The following RBMS2 variants were observed in gnomAD, a reference collection of about 807,000 sequenced individuals.
The protein encoded by RBMS2 is RNA-binding motif, single-stranded-interacting protein 2.
In RBMS2, 38 loss-of-function variants were observed where a neutral mutation model predicts 58.4. That is an observed-to-expected ratio of 0.65 (90% confidence interval 0.50 to 0.85). RBMS2 has a LOEUF of 0.85. Ranked by LOEUF, RBMS2 falls within the 40% of genes least tolerant of loss-of-function variation. The pLI is 0.00. For synonymous variants in RBMS2, 151 were observed against 180.7 expected (o/e 0.84, Z 1.32); for missense variants, 367 against 503.7 (o/e 0.73, Z 2.60).
At chr12:56,545,810 A>G (rs937071236) in intron 1 of RBMS2, among the ~76,000 whole-genome samples, 1 of 151,950 alleles carries the variant, frequency 6.6e-6, no homozygotes, top group Admixed American at 6.6e-5. Context: ...AATATATCAT[A>G]TTTTATTTAT....
Position 56,589,137 on chromosome 12 carries a change from T to G in RBMS2, c.*7-3T>G. On this transcript the variant is annotated splice_polypyrimidine_tract_variant and splice_region_variant and intron_variant, in intron 13 of 13. Coordinates refer to ENST00000262031, the MANE Select transcript of RBMS2 (RefSeq NM_002898.4). The stretch of plus-strand genomic sequence containing the variant: ...TCTCCTCTCTGGCTTGTGCCTTCTT[T>G]AGGATTCCCCTCCCCATCTTTACTG... The G allele has an allele frequency of 1.3e-6, 2 of 1,561,880 alleles. No homozygotes were observed. Among genetic ancestry groups the G allele is most frequent in the Non-Finnish European group, 8.7e-7 (1 of 1,152,630 alleles).
upstream of RBMS2, among the ~76,000 whole-genome samples, chr12:56,520,898 G>A (rs1225161712): frequency 6.6e-6 from 1 of 152,136 alleles, no homozygotes; most frequent in Admixed American, 6.5e-5. Flanking sequence ...AAGATAGCCT[G>A]CAATTGTTAG....
At chr12:56,572,973 G>A (rs1882539988) in intron 5 of RBMS2, 2 of 980,820 alleles carry the variant, frequency 2.0e-6, no homozygotes, top group African/African-American at 3.5e-5. Context: ...ACTGTCGTAG[G>A]GTATCAGCCT....
intron 1 of RBMS2, among the ~76,000 whole-genome samples, chr12:56,524,077 C>CT (rs1278631496): frequency 6.6e-6 from 1 of 152,096 alleles, no homozygotes; most frequent in African/African-American, 2.4e-5. Context: ...CTAAAAATCT[C>CT]TTTTTGCTCT....
chr12:56,567,813 A>G (rs1010896934), intron 2 of RBMS2, among the ~76,000 whole-genome samples: 1 of 152,156 alleles, frequency 6.6e-6, no homozygotes, highest in African/African-American at 2.4e-5. Context: ...CCTGGGCAAC[A>G]GAGCCAGACC....
chr12:56,541,138 C>A (rs373079739), intron 1 of RBMS2, among the ~76,000 whole-genome samples: 1 of 150,968 alleles, frequency 6.6e-6, no homozygotes, highest in Non-Finnish European at 1.5e-5. Flanking sequence ...TAAGTCTCTG[C>A]GACTTTTGAG....
At chr12:56,521,733 A>AC (rs1871747664), upstream of RBMS2, among the ~76,000 whole-genome samples, 2 of 151,876 alleles carry the variant, frequency 1.3e-5, no homozygotes, top group African/African-American at 4.8e-5. Flanking sequence ...AAACAAACAA[A>AC]AAAAAACATC....
intron 1 of RBMS2, among the ~76,000 whole-genome samples, chr12:56,538,478 T>A (rs1875389755): frequency 7.1e-6 from 1 of 141,098 alleles, no homozygotes; most frequent in Non-Finnish European, 1.5e-5. Flanking sequence ...TTTTTTTTTT[T>A]TTTTTTTTTT....
chr12:56,569,851 G>A, intron 3 of RBMS2, 48 bp from the exon 4 acceptor site: 1 of 1,502,692 alleles, frequency 6.7e-7, no homozygotes, highest in African/African-American at 1.4e-5. Context: ...GGACCTCTCT[G>A]TTCCTTACAC....
intron 4 of RBMS2, among the ~76,000 whole-genome samples, chr12:56,570,232 G>A (rs893832143): frequency 6.6e-6 from 1 of 152,138 alleles, no homozygotes; most frequent in Non-Finnish European, 1.5e-5. Flanking sequence ...AGAAAGGTAA[G>A]GTGGCCTCTT....
At chr12:56,567,385 CA>C (rs34292833) in intron 2 of RBMS2, among the ~76,000 whole-genome samples, 17,850 of 80,658 alleles carry the variant, frequency 0.22, 1,104 homozygotes, top group South Asian at 0.27. Context: ...AACTCCATCT[CA>C]AAAAAAAAAA....
chr12:56,548,104 A>G (rs1322788331), intron 1 of RBMS2, among the ~76,000 whole-genome samples: 7 of 152,132 alleles, frequency 4.6e-5, no homozygotes, highest in East Asian at 3.8e-4. Context: ...CCATTCATCT[A>G]TGAGTCCCCA....
At chr12:56,573,497 AAAAAAG>A (rs1162616272) in intron 5 of RBMS2, among the ~76,000 whole-genome samples, 31 of 150,810 alleles carry the variant, frequency 2.1e-4, no homozygotes, top group African/African-American at 7.3e-4. Context: ...AAAAAAAAAA[AAAAAAG>A]AAGAAGAAGA....
chr12:56,565,474 G>T (rs979337679), intron 2 of RBMS2, among the ~76,000 whole-genome samples: 1 of 151,944 alleles, frequency 6.6e-6, no homozygotes, highest in African/African-American at 2.4e-5. Context: ...CACAGATACA[G>T]AGGGATTTTT....
chr12:56,522,872 G>A (rs1196836364), intron 1 of RBMS2, among the ~76,000 whole-genome samples: 3 of 152,248 alleles, frequency 2.0e-5, no homozygotes, highest in African/African-American at 7.2e-5. Flanking sequence ...ATTTCAGGGC[G>A]CACAGCATAC....
At chr12:56,550,851 AAT>A (rs1315133544) in intron 1 of RBMS2, among the ~76,000 whole-genome samples, 2 of 151,556 alleles carry the variant, frequency 1.3e-5, no homozygotes, top group Non-Finnish European at 1.5e-5. Context: ...CAAAAAAATA[AAT>A]AAATAAATAA....
chr12:56,570,173 G>A, intron 4 of RBMS2, 183 bp downstream of exon 4: 2 of 580,732 alleles, frequency 3.4e-6, no homozygotes, highest in Admixed American at 6.6e-5. Flanking sequence ...CAAAGTCTAT[G>A]GCAGGTAGCT....
chr12:56,562,584 G>T lies in RBMS2; in HGVS notation c.233+1G>T, dbSNP rs140037879. On this transcript the variant is annotated splice_donor_variant, in intron 2 of 13. Coordinates refer to ENST00000262031, the MANE Select transcript of RBMS2 (RefSeq NM_002898.4). LOFTEE classifies it high-confidence loss of function. Reference sequence around the variant, plus strand: ...AAGATCTTGTCAAGCTGTGTCAGCCGTAAGTTGGAGTACATGTGCGTAGGC... The same window carrying T: ...AAGATCTTGTCAAGCTGTGTCAGCCTTAAGTTGGAGTACATGTGCGTAGGC... 1 of 1,612,314 alleles carries T rather than the reference G, an allele frequency of 6.2e-7. No homozygotes were observed. The highest frequency in any genetic ancestry group is 1.3e-5 in the African/African-American group (1 of 75,004).
At position 56,568,923 on chromosome 12, in the gene RBMS2, ATTC is replaced by A. The variant is rs1308382817; in HGVS notation, c.234-49_234-47del. 1.1e-5 allele frequency: 16 copies of A among 1,440,012 alleles called. No individual in the cohort carries two copies. In the African/African-American group the frequency reaches 1.7e-4, roughly 15 times the overall value. The allele number at this position is 1,440,012 out of a possible 1,614,324, so 89.2% of individuals were successfully genotyped here. On this transcript the variant is annotated intron_variant, in intron 2 of 13. Coordinates refer to ENST00000262031, the MANE Select transcript of RBMS2 (RefSeq NM_002898.4). ...GTTGAGATGTCTGAATCTCTGTCCT[ATTC>A]TTAGTCTCTGCCCCCCAGATTATTA... is the stretch of plus-strand genomic sequence containing the variant.
Sources: allele counts gnomAD v4.1 joint callset (sites outside exome capture counted in the v4.1 genomes callset), GRCh38; gene constraint gnomAD v4.1.1; transcripts MANE v1.5; gene names NCBI Gene and HGNC (gene_info 2026-07-23, HGNC 2026-07-21).